The following MCTP2 variants were observed in gnomAD, a reference collection of about 807,000 sequenced individuals.
MCTP2 encodes the protein multiple C2 and transmembrane domain containing 2, also known as multiple C2 and transmembrane domain-containing protein 2.
A neutral mutation model predicts 111.6 loss-of-function variants in MCTP2; 132 were observed. The ratio of observed to expected loss-of-function variants is 1.18; its 90% CI spans 1.03 to 1.37. The LOEUF (loss-of-function observed/expected upper bound fraction) is 1.37, where lower values mean the gene tolerates loss of function less well. Among genes scored for constraint, MCTP2 ranks in the 40% most tolerant of loss-of-function variants. The pLI is 0.00. For synonymous variants in MCTP2, 395 were observed against 387.7 expected, an observed-to-expected ratio of 1.02 and a Z score of -0.22; for missense variants, 1,183 against 1,067.9, an observed-to-expected ratio of 1.11 and a Z score of -1.50.
At chr15:94,453,298 ACT>A (rs1178162602) in intron 19 of MCTP2, among the ~76,000 whole-genome samples, 1 of 152,034 alleles carries the variant, frequency 6.6e-6, no homozygotes, top group South Asian at 2.1e-4. Flanking sequence ...TATTTTCCTG[ACT>A]CTCTTCAGGG....
chr15:94,250,075 C>G (rs914464443), intron 1 of MCTP2, among the ~76,000 whole-genome samples: 12 of 151,678 alleles, frequency 7.9e-5, no homozygotes, highest in Non-Finnish European at 1.2e-4. Context: ...TTAAGCCATA[C>G]TTGTACATCA....
chr15:94,473,725 T>A (rs2074113359), intron 21 of MCTP2, among the ~76,000 whole-genome samples: 1 of 152,234 alleles, frequency 6.6e-6, no homozygotes, highest in South Asian at 2.1e-4. Context: ...TATCTTCACT[T>A]GATAGCACAA....
rs1368040717 is a variant in MCTP2 at position 94,482,771 on chromosome 15, G to A, written c.*3737G>A. On this transcript the variant is annotated 3_prime_UTR_variant, in exon 23 of 23. Coordinates refer to ENST00000357742, the MANE Select transcript of MCTP2 (RefSeq NM_001385001.1). ...ATATAGAAAGGCAAGTCAGTTAAGA[G>A]TGTAAATAGAAACGGGTAAATACAG... 2 of 152,240 alleles carry A rather than the reference G, an allele frequency of 1.3e-5. No individual in the cohort carries two copies. Among genetic ancestry groups the A allele is most frequent in the Non-Finnish European group, 2.9e-5 (2 of 68,044 alleles). The allele number at this position is 152,240 out of a possible 1,614,324, so 9.4% of individuals were successfully genotyped here.
At chr15:94,310,354 G>C (rs2076068472) in intron 2 of MCTP2, among the ~76,000 whole-genome samples, 1 of 152,128 alleles carries the variant, frequency 6.6e-6, no homozygotes, top group South Asian at 2.1e-4. Flanking sequence ...TAGCACAGAG[G>C]CATTTTTTTG....
chr15:94,455,654 T>C (rs1261772965), intron 19 of MCTP2, among the ~76,000 whole-genome samples: 1 of 151,920 alleles, frequency 6.6e-6, no homozygotes, highest in Non-Finnish European at 1.5e-5. Flanking sequence ...CTCCATCTCC[T>C]GACCTCGTTA....
intron 1 of MCTP2, among the ~76,000 whole-genome samples, chr15:94,276,904 A>T (rs571194502): frequency 6.9e-6 from 1 of 145,814 alleles, no homozygotes; most frequent in Non-Finnish European, 1.5e-5. Context: ...TATTACGAGG[A>T]TGGTTAATAT....
intron 17 of MCTP2, among the ~76,000 whole-genome samples, chr15:94,428,355 TAA>T (rs996929259): frequency 6.6e-6 from 1 of 152,230 alleles, no homozygotes; most frequent in African/African-American, 2.4e-5. Flanking sequence ...CTTTGAGGAA[TAA>T]AGTCACTCAA....
chr15:94,266,262 T>A (rs2073523754), intron 1 of MCTP2, among the ~76,000 whole-genome samples: 1 of 152,238 alleles, frequency 6.6e-6, no homozygotes, highest in Non-Finnish European at 1.5e-5. Flanking sequence ...CTCTTCCATT[T>A]CCTGGTGCTG....
Position 94,243,617 on chromosome 15 carries a change from GTATA to G in MCTP2, c.-66+11956_-66+11959del, listed in dbSNP as rs560461133. On this transcript the variant is annotated intron_variant, in intron 1 of 22. Coordinates refer to ENST00000357742, the MANE Select transcript of MCTP2 (RefSeq NM_001385001.1). ...TATATGTATGTATACACGCATATGT[GTATA>G]TACGCATATGCGTATATACATATAT... 1.5e-3 allele frequency among the ~76,000 whole-genome samples: 230 copies of G among 149,142 alleles called. 1 individual carries two copies. The highest frequency in any genetic ancestry group is 5.5e-3 in the African/African-American group (224 of 40,676).
intron 20 of MCTP2, among the ~76,000 whole-genome samples, chr15:94,466,592 C>T (rs142017529): frequency 6.6e-6 from 1 of 152,066 alleles, no homozygotes; most frequent in African/African-American, 2.4e-5. Flanking sequence ...ATGCAATGGT[C>T]TCATATTAAA....
chr15:94,237,956 G>A (rs28706947), intron 1 of MCTP2, among the ~76,000 whole-genome samples: 19,615 of 151,990 alleles, frequency 0.13, 1,482 homozygotes, highest in Non-Finnish European at 0.17. Context: ...CTATAGCCTG[G>A]AAGCCACCCC....
At chr15:94,381,104 A>C (rs1290464787) in intron 12 of MCTP2, among the ~76,000 whole-genome samples, 1 of 152,216 alleles carries the variant, frequency 6.6e-6, no homozygotes, top group African/African-American at 2.4e-5. Flanking sequence ...AAATGTATGT[A>C]TGTCAGTCTC....
At chr15:94,248,905 TA>T (rs2072209467) in intron 1 of MCTP2, among the ~76,000 whole-genome samples, 1 of 152,210 alleles carries the variant, frequency 6.6e-6, no homozygotes, top group African/African-American at 2.4e-5. Flanking sequence ...TATGGAACAG[TA>T]TGCTTTGGGT....
chr15:94,291,119 A>G (rs1022159619), intron 1 of MCTP2, among the ~76,000 whole-genome samples: 1 of 152,222 alleles, frequency 6.6e-6, no homozygotes, highest in African/African-American at 2.4e-5. Flanking sequence ...GACAGTCCAC[A>G]TTGGGGGTCA....
intron 20 of MCTP2, among the ~76,000 whole-genome samples, chr15:94,461,892 T>G (rs549285936): frequency 6.6e-6 from 1 of 152,118 alleles, no homozygotes; most frequent in South Asian, 2.1e-4. Flanking sequence ...CAGATGCATT[T>G]TGTGTTTAAA....
intron 17 of MCTP2, chr15:94,402,814 G>T (rs995493793): frequency 5.2e-6 from 7 of 1,354,344 alleles, no homozygotes; most frequent in African/African-American, 2.9e-5. Context: ...TCTGTCCTGT[G>T]CAAAGATCAC....
intron 19 of MCTP2, among the ~76,000 whole-genome samples, chr15:94,449,620 T>G (rs2084321948): frequency 6.6e-6 from 1 of 152,234 alleles, no homozygotes; most frequent in Non-Finnish European, 1.5e-5. Flanking sequence ...GGACTTCTGC[T>G]TTCATCAAGG....
At chr15:94,336,432 G>A (rs1315832436) in intron 4 of MCTP2, among the ~76,000 whole-genome samples, 1 of 152,140 alleles carries the variant, frequency 6.6e-6, no homozygotes, top group Non-Finnish European at 1.5e-5. Flanking sequence ...GTGAAGAAGA[G>A]CAGGATCTGG....
chr15:94,262,133 T>G (rs146365310), intron 1 of MCTP2, among the ~76,000 whole-genome samples: 1 of 152,282 alleles, frequency 6.6e-6, no homozygotes, highest in Non-Finnish European at 1.5e-5. Flanking sequence ...AAAAATAAAT[T>G]TAAAGAGCTT....
Sources: gnomAD v4.1 joint callset for allele counts (sites outside exome capture counted in the v4.1 genomes callset) on GRCh38, gnomAD v4.1.1 for gene constraint, MANE v1.5 for transcripts, NCBI Gene and HGNC (gene_info 2026-07-23, HGNC 2026-07-21) for gene names.